DCAF6: variants seen among roughly 807,000 people sequenced by gnomAD.
DCAF6 encodes DDB1- and CUL4-associated factor 6.
Under a neutral mutation model 125.1 loss-of-function variants are expected in DCAF6, and 54 were observed. That is an observed-to-expected ratio of 0.43 (90% CI 0.35 to 0.54). The LOEUF is 0.54. Ranked by LOEUF, DCAF6 falls within the 20% of genes least tolerant of loss-of-function variation. The probability of loss-of-function intolerance (pLI) is 0.01; values close to 1 mark genes in which losing one functional copy is unlikely to be tolerated. For missense variants in DCAF6, 934 were observed against 1,161.7 expected (o/e 0.80, Z 2.85); for synonymous variants, 371 against 390.4 (o/e 0.95, Z 0.58).
chr1:167,990,463 G>A (rs1232008358), intron 5 of DCAF6, among the ~76,000 whole-genome samples: 1 of 152,314 alleles, frequency 6.6e-6, no homozygotes, highest in East Asian at 1.9e-4. Flanking sequence ...TTGCTGTCAA[G>A]TGGACCAATA....
intron 12 of DCAF6, among the ~76,000 whole-genome samples, chr1:168,030,209 T>C (rs139231779): frequency 3.3e-5 from 5 of 152,248 alleles, no homozygotes; most frequent in African/African-American, 1.2e-4. Flanking sequence ...TGGGCCTTCA[T>C]TCCCTCCAGT....
chr1:168,056,061 G>A, intron 17 of DCAF6: 6 of 1,589,240 alleles, frequency 3.8e-6, no homozygotes, highest in Non-Finnish European at 5.2e-6. Flanking sequence ...ATTAATTTCA[G>A]TTACTTCTCC....
intron 10 of DCAF6, among the ~76,000 whole-genome samples, chr1:168,014,752 C>T (rs1185768965): frequency 2.0e-5 from 3 of 152,148 alleles, no homozygotes; most frequent in Non-Finnish European, 4.4e-5. Flanking sequence ...ATATGCTTTC[C>T]CCTTGAGTAT....
At chr1:167,902,058 A>G in the DCAF6 span, 1 of 1,599,920 alleles carries the variant, frequency 6.3e-7, no homozygotes, top group Non-Finnish European at 8.5e-7. Context: ...AACACTTCTG[A>G]GAAAAAAAAA....
At chr1:168,052,975 ATTGCCATAC>A (rs1690143589) in intron 17 of DCAF6, among the ~76,000 whole-genome samples, 1 of 152,198 alleles carries the variant, frequency 6.6e-6, no homozygotes, top group African/African-American at 2.4e-5. Flanking sequence ...TGCTGTCTAC[ATTGCCATAC>A]TTGGAGTGTC....
chr1:167,865,687 A>T, the DCAF6 span, among the ~76,000 whole-genome samples: 2 of 152,242 alleles, frequency 1.3e-5, no homozygotes, highest in African/African-American at 4.8e-5. Flanking sequence ...TAGAAGTTAA[A>T]GACTTAAAAC....
chr1:168,035,112 T>C (rs1687621457), intron 12 of DCAF6, among the ~76,000 whole-genome samples: 1 of 152,146 alleles, frequency 6.6e-6, no homozygotes, highest in Non-Finnish European at 1.5e-5. Context: ...GGAAAAAGGC[T>C]AGGAGATGAA....
chr1:167,953,923 T>TA (rs1274095890), intron 2 of DCAF6, among the ~76,000 whole-genome samples: 1 of 152,112 alleles, frequency 6.6e-6, no homozygotes, highest in Non-Finnish European at 1.5e-5. Context: ...AGTTTAAACA[T>TA]ACCTTTGTTC....
chr1:168,017,742 A>G (rs1403103455), intron 11 of DCAF6, among the ~76,000 whole-genome samples: 1 of 152,158 alleles, frequency 6.6e-6, no homozygotes, highest in Non-Finnish European at 1.5e-5. Flanking sequence ...TCATTCTTTT[A>G]TGATAGATGT....
intron 1 of DCAF6, among the ~76,000 whole-genome samples, chr1:167,950,837 A>G (rs1232331723): frequency 1.3e-5 from 2 of 152,204 alleles, no homozygotes; most frequent in Non-Finnish European, 2.9e-5. Flanking sequence ...TCAAAGAAGG[A>G]ACTTACTCTG....
At chr1:167,900,300 C>A in the DCAF6 span, among the ~76,000 whole-genome samples, 1 of 152,078 alleles carries the variant, frequency 6.6e-6, no homozygotes, top group African/African-American at 2.4e-5. Flanking sequence ...GGCTGACTCC[C>A]CCCTGATTCT....
At chr1:167,885,154 G>A in the DCAF6 span, among the ~76,000 whole-genome samples, 3 of 152,138 alleles carry the variant, frequency 2.0e-5, no homozygotes, top group Non-Finnish European at 4.4e-5. Flanking sequence ...ACTTCGTTGT[G>A]TATATGTACC....
At chr1:167,994,536 G>A (rs926353047) in intron 7 of DCAF6, among the ~76,000 whole-genome samples, 3 of 152,116 alleles carry the variant, frequency 2.0e-5, no homozygotes, top group African/African-American at 7.2e-5. Context: ...ATAAATATAA[G>A]TGGGAAAAAG....
chr1:168,021,029 TTC>T (rs1685606549), intron 11 of DCAF6, among the ~76,000 whole-genome samples: 1 of 152,178 alleles, frequency 6.6e-6, no homozygotes, highest in Admixed American at 6.5e-5. Context: ...GTTTAATACT[TTC>T]TGTCTTAACA....
At chr1:168,075,153 G>T (rs1326330556) in intron 21 of DCAF6, among the ~76,000 whole-genome samples, 1 of 152,164 alleles carries the variant, frequency 6.6e-6, no homozygotes, top group Non-Finnish European at 1.5e-5. Flanking sequence ...GATTTTAGGA[G>T]TGGGTTTCTT....
At chr1:167,939,372 TCA>T (rs555666532) in intron 1 of DCAF6, among the ~76,000 whole-genome samples, 95 of 152,278 alleles carry the variant, frequency 6.2e-4, no homozygotes, top group African/African-American at 2.2e-3. Flanking sequence ...ATCCATCATG[TCA>T]CATAATTACC....
chr1:168,052,602 A>T (rs1370558323), intron 17 of DCAF6, among the ~76,000 whole-genome samples: 1 of 152,224 alleles, frequency 6.6e-6, no homozygotes, highest in Non-Finnish European at 1.5e-5. Context: ...CTTCTGCTTA[A>T]GATAGACAAA....
intron 2 of DCAF6, 47 bp downstream of exon 2, chr1:167,951,908 G>GTT: frequency 7.9e-7 from 1 of 1,272,880 alleles, no homozygotes; most frequent in Non-Finnish European, 1.1e-6. Flanking sequence ...GATACTAAGT[G>GTT]TTTAAGTGTT....
chr1:167,880,360 G>T, the DCAF6 span: 1 of 957,488 alleles, frequency 1.0e-6, no homozygotes. Context: ...ATGCGAAGGA[G>T]GAACAACAGT....
Sources: allele counts gnomAD v4.1 joint callset (sites outside exome capture counted in the v4.1 genomes callset), GRCh38; gene constraint gnomAD v4.1.1; transcripts MANE v1.5; gene names NCBI Gene and HGNC (gene_info 2026-07-23, HGNC 2026-07-21).